WDR18: variants seen among roughly 807,000 people sequenced by gnomAD.
The protein encoded by WDR18 is WD repeat domain 18, also known as WD repeat-containing protein 18.
Under a neutral mutation model 49.6 loss-of-function variants are expected in WDR18, and 33 were observed. The ratio of observed to expected loss-of-function variants is 0.67; its 90% CI spans 0.50 to 0.89. The LOEUF (loss-of-function observed/expected upper bound fraction) is 0.89. WDR18 is among the 40% of genes least tolerant of loss of function. The pLI, the probability that WDR18 is intolerant of heterozygous loss-of-function variation, is 0.00. For synonymous variants in WDR18, 315 were observed against 263.6 expected (o/e 1.19, Z -1.89); for missense variants, 653 against 593.6 (o/e 1.10, Z -1.04).
At chr19:991,186 C>T (rs2038540789) in intron 6 of WDR18, 41 bp downstream of exon 6, 2 of 1,450,932 alleles carry the variant, frequency 1.4e-6, no homozygotes, top group African/African-American at 4.8e-5. Context: ...CAGGCACGTC[C>T]TGTCTGGCAC....
chr19:992,453 G>A (rs951384684), intron 8 of WDR18, among the ~76,000 whole-genome samples: 13 of 152,376 alleles, frequency 8.5e-5, no homozygotes, highest in Middle Eastern at 6.8e-3. Flanking sequence ...ACTTCGGGCT[G>A]TGAGAGCCAA....
intron 8 of WDR18, among the ~76,000 whole-genome samples, 170 bp downstream of exon 8, chr19:992,291 C>T (rs987032238): frequency 3.3e-5 from 5 of 152,200 alleles, no homozygotes; most frequent in Admixed American, 6.5e-5. Flanking sequence ...GGGCCTCTGC[C>T]CACTCTCAGT....
chr19:992,298 C>G (rs1406636298), intron 8 of WDR18, among the ~76,000 whole-genome samples, 177 bp downstream of exon 8: 1 of 152,202 alleles, frequency 6.6e-6, no homozygotes, highest in Non-Finnish European at 1.5e-5. Context: ...TGCCCACTCT[C>G]AGTATGGACC....
intron 2 of WDR18, 87 bp downstream of exon 2, chr19:986,062 G>A (rs1210224802): frequency 9.9e-6 from 13 of 1,314,384 alleles, no homozygotes; most frequent in South Asian, 3.7e-5. Context: ...ACAACCATGC[G>A]GCCTGGGGCC....
chr19:993,216 G>C (rs1211790059), intron 8 of WDR18, among the ~76,000 whole-genome samples: 2 of 152,240 alleles, frequency 1.3e-5, no homozygotes, highest in Non-Finnish European at 2.9e-5. Flanking sequence ...AGTGAAAACA[G>C]GCCTCCAGCG....
Position 990,841 on chromosome 19 carries a change from C to A in WDR18, c.598-11C>A, listed in dbSNP as rs145613963. ...GCCGGGCCGAGCCCCACGCCCTTTG[C>A]CCACCCGCAGCTATGGGAGGTCTCC... On this transcript the variant is annotated splice_polypyrimidine_tract_variant and intron_variant, in intron 4 of 9. Coordinates refer to ENST00000585809, the MANE Select transcript of WDR18 (RefSeq NM_024100.4). 3.5e-4 allele frequency: 562 copies of A among 1,592,824 alleles called. No homozygotes were observed. Among genetic ancestry groups the A allele is most frequent in the Admixed American group, 4.6e-4 (27 of 58,186 alleles).
rs142788351 is a variant in WDR18, at chr19:992,883, C to T, written c.1098+762C>T. Among the ~76,000 whole-genome samples, 74 of 152,350 alleles carry T rather than the reference C, an allele frequency of 4.9e-4. 1 individual carries two copies. In the East Asian group the frequency reaches 0.011, roughly 23 times the overall value. On this transcript the variant is annotated intron_variant, in intron 8 of 9. Coordinates refer to ENST00000585809, the MANE Select transcript of WDR18 (RefSeq NM_024100.4). ...TCCCTCGCTGGGCTCTGGCGCTTGG[C>T]ACTTCTCCCCACGCGCCCTCTTCTT...
chr19:993,189 A>G (rs1169319881), intron 8 of WDR18, among the ~76,000 whole-genome samples: 1 of 152,264 alleles, frequency 6.6e-6, no homozygotes, highest in Non-Finnish European at 1.5e-5. Context: ...TTGTTCAGAA[A>G]GTGCCGGAAC....
intron 2 of WDR18, 81 bp downstream of exon 2, chr19:986,056 C>A: frequency 7.2e-7 from 1 of 1,389,132 alleles, no homozygotes; most frequent in Non-Finnish European, 1.0e-6. Flanking sequence ...CAGGGAACAA[C>A]CATGCGGCCT....
chr19:992,995 T>C (rs2038579755), intron 8 of WDR18, among the ~76,000 whole-genome samples: 1 of 152,202 alleles, frequency 6.6e-6, no homozygotes, highest in South Asian at 2.1e-4. Context: ...TGCCGTTATC[T>C]CCCTTGTCCG....
At chr19:993,489 G>A (rs1295580346) in intron 8 of WDR18, among the ~76,000 whole-genome samples, 1 of 152,244 alleles carries the variant, frequency 6.6e-6, no homozygotes, top group Non-Finnish European at 1.5e-5. Context: ...TGGAATGTTG[G>A]CCTGTCCCAC....
At chr19:991,374 C>G (rs77430782) in intron 7 of WDR18, 23 bp downstream of exon 7, 1 of 1,512,488 alleles carries the variant, frequency 6.6e-7, no homozygotes, top group Admixed American at 2.1e-5. Flanking sequence ...CTGCTCGGCC[C>G]GCGGCCAGCG....
Position 984,395 on chromosome 19 carries a change from G to A in WDR18, c.42G>A (p.Ala14=), listed in dbSNP as rs746617348. The change falls in exon 1 of 10, where the codon GCG becomes GCA. Residue 14 remains alanine, a synonymous_variant. Coordinates refer to ENST00000585809, the MANE Select transcript of WDR18 (RefSeq NM_024100.4). ...PMEVAVCTDS[A]APMWSCIVWE... is the part of the protein sequence containing the mutation. The stretch of plus-strand genomic sequence containing the variant: ...AGGTGGCCGTGTGTACGGACTCGGC[G>A]GCCCCGATGTGGAGCTGCATCGTGT... 6 of 1,601,518 alleles carry A rather than the reference G, an allele frequency of 3.7e-6. No individual in the cohort carries two copies. Among genetic ancestry groups the A allele is most frequent in the African/African-American group, 1.4e-5 (1 of 73,444 alleles).
At chr19:990,117 G>T in intron 3 of WDR18, 106 bp from the exon 4 acceptor site, 2 of 1,420,054 alleles carry the variant, frequency 1.4e-6, no homozygotes, top group Non-Finnish European at 1.9e-6. Flanking sequence ...AGGCAGGCCA[G>T]GCTGCTGAGT....
Position 993,911 on chromosome 19 carries a change from T to G in WDR18, c.1099-109T>G, listed in dbSNP as rs1002922077. 5.7e-6 allele frequency: 7 copies of G among 1,226,428 alleles called. No homozygotes were observed. The Admixed American group carries it at 1.5e-4, about 26-fold the overall frequency. The allele number at this position is 1,226,428 out of a possible 1,614,324, so 76.0% of individuals were successfully genotyped here. On this transcript the variant is annotated intron_variant, in intron 8 of 9. Coordinates refer to ENST00000585809, the MANE Select transcript of WDR18 (RefSeq NM_024100.4). ...TCCCTTCTGTCTGTGGGCGTCACGG[T>G]GGCCCCTCCCTGGCTGAGTGGCTGC... is the stretch of plus-strand genomic sequence containing the variant.
At chr19:988,061 C>G (rs924659643) in intron 2 of WDR18, among the ~76,000 whole-genome samples, 3 of 151,944 alleles carry the variant, frequency 2.0e-5, no homozygotes, top group Non-Finnish European at 4.4e-5. Flanking sequence ...AACTCCTGGT[C>G]TCAGGTGATC....
intron 2 of WDR18, among the ~76,000 whole-genome samples, chr19:988,324 G>A (rs1199561312): frequency 2.6e-5 from 4 of 152,146 alleles, no homozygotes; most frequent in African/African-American, 7.2e-5. Flanking sequence ...GCTGTGGGGC[G>A]GGAGCTGGTC....
chr19:983,008 C>A (rs1355534818), upstream of WDR18, among the ~76,000 whole-genome samples: 2 of 152,244 alleles, frequency 1.3e-5, no homozygotes, highest in Non-Finnish European at 2.9e-5. Flanking sequence ...CCGCATGCAG[C>A]CTCCAGCCCC....
intron 2 of WDR18, among the ~76,000 whole-genome samples, chr19:987,697 C>T (rs529857940): frequency 6.6e-6 from 1 of 152,164 alleles, no homozygotes; most frequent in African/African-American, 2.4e-5. Context: ...TGCAGAGGGG[C>T]ATGTGGGTAG....
Sources: allele counts gnomAD v4.1 joint callset (sites outside exome capture counted in the v4.1 genomes callset), GRCh38; gene constraint gnomAD v4.1.1; transcripts MANE v1.5; gene names NCBI Gene and HGNC (gene_info 2026-07-23, HGNC 2026-07-21).